Variants in IQUB observed in about 807,000 individuals in gnomAD.
The protein encoded by IQUB is IQ motif and ubiquitin-like domain-containing protein.
In IQUB, 86 loss-of-function variants were observed where a neutral mutation model predicts 86.4. That is an observed-to-expected ratio of 1.00 (90% CI 0.84 to 1.19). The LOEUF (loss-of-function observed/expected upper bound fraction) is 1.19. Among genes scored for constraint, IQUB ranks in the 50% most tolerant of loss-of-function variants. The probability of loss-of-function intolerance (pLI) is 0.00; values close to 1 mark genes in which losing one functional copy is unlikely to be tolerated. For synonymous variants in IQUB, 289 were observed against 304.5 expected, an observed-to-expected ratio of 0.95 and a Z score of 0.53; for missense variants, 946 against 916.9, an observed-to-expected ratio of 1.03 and a Z score of -0.41.
intron 8 of IQUB, among the ~76,000 whole-genome samples, chr7:123,476,191 A>G (rs1038837047): frequency 6.6e-6 from 1 of 152,216 alleles, no homozygotes; most frequent in South Asian, 2.1e-4. Flanking sequence ...TGTAGGTACA[A>G]TAAAGATTGC....
At chr7:123,529,741 A>AC (rs990070713) in intron 1 of IQUB, among the ~76,000 whole-genome samples, 5 of 147,522 alleles carry the variant, frequency 3.4e-5, no homozygotes, top group African/African-American at 1.2e-4. Context: ...AAAAAAAAAA[A>AC]AAAAAAAAAA....
chr7:123,494,804 T>C (rs1584603938), intron 7 of IQUB, among the ~76,000 whole-genome samples: 1 of 152,234 alleles, frequency 6.6e-6, no homozygotes, highest in Admixed American at 6.5e-5. Flanking sequence ...TTCCTTTTGA[T>C]AGATGAAGAA....
chr7:123,453,250 G>A (rs1370426064), intron 12 of IQUB, among the ~76,000 whole-genome samples: 1 of 128,696 alleles, frequency 7.8e-6, no homozygotes, highest in Non-Finnish European at 1.6e-5. Context: ...TCTAACTGGG[G>A]GTATCTAGTT....
intron 1 of IQUB, among the ~76,000 whole-genome samples, chr7:123,530,260 AC>A (rs1248002240): frequency 6.6e-6 from 1 of 150,998 alleles, no homozygotes; most frequent in African/African-American, 2.4e-5. Context: ...ACATGGTGAA[AC>A]CCCGTCTCTA....
chr7:123,470,992 T>TA (rs1794495769), intron 8 of IQUB, among the ~76,000 whole-genome samples: 1 of 152,196 alleles, frequency 6.6e-6, no homozygotes, highest in South Asian at 2.1e-4. Context: ...TAAAAACAAC[T>TA]ATATTTGATA....
intron 9 of IQUB, 36 bp from the exon 10 acceptor site, chr7:123,465,045 T>C: frequency 2.3e-6 from 3 of 1,329,188 alleles, no homozygotes; most frequent in Non-Finnish European, 2.1e-6. Flanking sequence ...TATAAAATTT[T>C]ACAAATCACT....
At chr7:123,520,665 C>T (rs1024137418) in intron 1 of IQUB, among the ~76,000 whole-genome samples, 1 of 151,866 alleles carries the variant, frequency 6.6e-6, no homozygotes, top group African/African-American at 2.4e-5. Context: ...AAGCTAGAGA[C>T]GAGGTTGTGG....
At chr7:123,469,534 G>T (rs1451311677) in intron 8 of IQUB, 150 bp from the exon 9 acceptor site, 11 of 454,356 alleles carry the variant, frequency 2.4e-5, no homozygotes, top group Admixed American at 4.0e-5. Flanking sequence ...AGAATTTGCA[G>T]ATCAGGCAAA....
intron 6 of IQUB, among the ~76,000 whole-genome samples, chr7:123,499,481 A>G (rs749480047): frequency 6.6e-6 from 1 of 152,190 alleles, no homozygotes; most frequent in Non-Finnish European, 1.5e-5. Context: ...TCATAAAAAC[A>G]TAATAGAGGT....
At chr7:123,510,328 G>A (rs544938096) in intron 2 of IQUB, among the ~76,000 whole-genome samples, 2 of 152,152 alleles carry the variant, frequency 1.3e-5, no homozygotes, top group East Asian at 3.9e-4. Context: ...ATACATCTCA[G>A]GAAATCACGC....
At chr7:123,520,523 G>A (rs1796853703) in intron 1 of IQUB, among the ~76,000 whole-genome samples, 1 of 152,132 alleles carries the variant, frequency 6.6e-6, no homozygotes. Context: ...TGAGCAGGAG[G>A]CTGAACTGAG....
chr7:123,515,592 G>A (rs1215694503), intron 1 of IQUB, among the ~76,000 whole-genome samples: 1 of 151,968 alleles, frequency 6.6e-6, no homozygotes, highest in African/African-American at 2.4e-5. Flanking sequence ...TTTGGGCCTA[G>A]GTACATCATT....
intron 1 of IQUB, among the ~76,000 whole-genome samples, chr7:123,526,644 C>G (rs1797226738): frequency 6.6e-6 from 1 of 151,264 alleles, no homozygotes; most frequent in Non-Finnish European, 1.5e-5. Context: ...GGTCTTGACT[C>G]TTTATCCAAT....
chr7:123,462,317 T>C (rs1794028914), intron 10 of IQUB, among the ~76,000 whole-genome samples: 1 of 151,846 alleles, frequency 6.6e-6, no homozygotes, highest in Admixed American at 6.6e-5. Context: ...TCAAAAAATA[T>C]TTTTATAAAG....
chr7:123,504,770 A>G (rs1191864108), intron 3 of IQUB, among the ~76,000 whole-genome samples: 1 of 152,100 alleles, frequency 6.6e-6, no homozygotes, highest in African/African-American at 2.4e-5. Context: ...AATCCAAACC[A>G]TATCATTTTG....
chr7:123,453,822 T>G (rs1480336674), intron 12 of IQUB, among the ~76,000 whole-genome samples: 2 of 152,204 alleles, frequency 1.3e-5, no homozygotes, highest in African/African-American at 2.4e-5. Context: ...TTATATTCAT[T>G]AAATTTTCTT....
chr7:123,497,044 CA>C, intron 6 of IQUB, 138 bp from the exon 7 acceptor site: 1 of 592,776 alleles, frequency 1.7e-6, no homozygotes, highest in Admixed American at 3.4e-5. Context: ...TACATATTTT[CA>C]CAAACACTAA....
intron 7 of IQUB, among the ~76,000 whole-genome samples, chr7:123,491,568 T>TA (rs933926523): frequency 2.0e-5 from 3 of 152,144 alleles, no homozygotes; most frequent in African/African-American, 7.2e-5. Context: ...TTTATGCCAA[T>TA]AAATCCAACA....
At chr7:123,477,875 A>G (rs1387180125) in intron 8 of IQUB, among the ~76,000 whole-genome samples, 1 of 152,246 alleles carries the variant, frequency 6.6e-6, no homozygotes, top group African/African-American at 2.4e-5. Context: ...AGAAATGCAA[A>G]TCAAAACCAC....
Sources: gnomAD v4.1 joint callset for allele counts (sites outside exome capture counted in the v4.1 genomes callset) on GRCh38, gnomAD v4.1.1 for gene constraint, MANE v1.5 for transcripts, NCBI Gene and HGNC (gene_info 2026-07-23, HGNC 2026-07-21) for gene names.